SLC9A4: variants seen among roughly 807,000 people sequenced by gnomAD.
The protein encoded by SLC9A4 is solute carrier family 9 member A4.
Under a neutral mutation model 67.4 loss-of-function variants are expected in SLC9A4, and 63 were observed. The ratio of observed to expected loss-of-function variants is 0.93; its 90% CI spans 0.76 to 1.15. The LOEUF (loss-of-function observed/expected upper bound fraction) is 1.15. SLC9A4 is among the 50% of genes most tolerant of loss of function. SLC9A4 has a pLI of 0.00. For missense variants in SLC9A4, 1,089 were observed against 987.7 expected (o/e 1.10, Z -1.38); for synonymous variants, 393 against 367.2 (o/e 1.07, Z -0.80).
chr2:102,502,499 CTATAAGA>C (rs1684963393), intron 2 of SLC9A4, among the ~76,000 whole-genome samples: 1 of 152,144 alleles, frequency 6.6e-6, no homozygotes, highest in South Asian at 2.1e-4. Context: ...AAAGGCATAA[CTATAAGA>C]TATAAGGAAA....
chr2:102,520,733 G>A (rs1180578462), intron 9 of SLC9A4, among the ~76,000 whole-genome samples: 3 of 152,140 alleles, frequency 2.0e-5, no homozygotes, highest in African/African-American at 7.2e-5. Flanking sequence ...AAATCACCTA[G>A]GCAAAGCTCC....
intron 6 of SLC9A4, among the ~76,000 whole-genome samples, chr2:102,510,705 G>T (rs900048591): frequency 6.6e-6 from 1 of 152,168 alleles, no homozygotes; most frequent in African/African-American, 2.4e-5. Flanking sequence ...TAAAATCACC[G>T]TTCCAATGAA....
chr2:102,497,222 C>T (rs897288840), intron 2 of SLC9A4, among the ~76,000 whole-genome samples: 10 of 152,202 alleles, frequency 6.6e-5, no homozygotes, highest in Admixed American at 1.3e-4. Flanking sequence ...CATGAGCCAC[C>T]GTGCCTGGCC....
At chr2:102,522,411 G>A (rs924048294) in intron 9 of SLC9A4, among the ~76,000 whole-genome samples, 2 of 152,228 alleles carry the variant, frequency 1.3e-5, no homozygotes, top group East Asian at 3.9e-4. Context: ...GGAGGGAGAG[G>A]AGCGAAGACA....
At position 102,514,258 on chromosome 2, in the gene SLC9A4, CA is replaced by C; in HGVS notation, c.1721+8del. The C allele has an allele frequency of 2.5e-6, 4 of 1,586,790 alleles. No individual in the cohort carries two copies. The highest frequency in any genetic ancestry group is 3.4e-6 in the Non-Finnish European group (4 of 1,163,844). On this transcript the variant is annotated splice_region_variant and intron_variant, in intron 8 of 11. Transcript: ENST00000295269. ...CTTTCTCCATACCCCATCAGTGAGT[CA>C]TATCTGTTCTTTGTTCTAAACTTTC...
At chr2:102,485,014 G>A (rs1460194881) in intron 2 of SLC9A4, among the ~76,000 whole-genome samples, 1 of 152,190 alleles carries the variant, frequency 6.6e-6, no homozygotes, top group African/African-American at 2.4e-5. Context: ...CTTGATGGGT[G>A]CTTCATGCCA....
chr2:102,503,745 A>C (rs745960740), intron 3 of SLC9A4, 38 bp downstream of exon 3: 1 of 1,603,010 alleles, frequency 6.2e-7, no homozygotes, highest in South Asian at 1.1e-5. Flanking sequence ...ATAGTAATAG[A>C]AAGAAAGTTT....
At chr2:102,491,225 G>A (rs913351391) in intron 2 of SLC9A4, among the ~76,000 whole-genome samples, 23 of 151,148 alleles carry the variant, frequency 1.5e-4, no homozygotes, top group African/African-American at 4.4e-4. Flanking sequence ...TTGTCATTTC[G>A]GAGCCTCATC....
intron 6 of SLC9A4, among the ~76,000 whole-genome samples, chr2:102,509,983 A>G (rs1685127778): frequency 6.7e-6 from 1 of 149,478 alleles, no homozygotes; most frequent in African/African-American, 2.5e-5. Flanking sequence ...TGGGTTCTCA[A>G]TTTCACCCTC....
chr2:102,498,090 G>C (rs900139130), intron 2 of SLC9A4, among the ~76,000 whole-genome samples: 1 of 152,180 alleles, frequency 6.6e-6, no homozygotes, highest in African/African-American at 2.4e-5. Flanking sequence ...TCTCCATGGG[G>C]CTGTGGACAT....
chr2:102,516,682 A>G (rs916628908), intron 8 of SLC9A4, among the ~76,000 whole-genome samples: 2 of 152,158 alleles, frequency 1.3e-5, no homozygotes, highest in Non-Finnish European at 2.9e-5. Flanking sequence ...TTTTACATAC[A>G]TTATCTTATT....
intron 1 of SLC9A4, among the ~76,000 whole-genome samples, chr2:102,475,792 A>G (rs540935128): frequency 6.6e-6 from 1 of 152,322 alleles, no homozygotes; most frequent in Non-Finnish European, 1.5e-5. Context: ...CTATGTGCCA[A>G]TTACTGGGCT....
At chr2:102,514,334 A>T in intron 8 of SLC9A4, 83 bp downstream of exon 8, 1 of 908,420 alleles carries the variant, frequency 1.1e-6, no homozygotes, top group Non-Finnish European at 1.6e-6. Flanking sequence ...TTAAAGGTAT[A>T]CGAGGAGTAA....
intron 2 of SLC9A4, 79 bp downstream of exon 2, chr2:102,479,381 C>A: frequency 7.0e-7 from 1 of 1,431,596 alleles, no homozygotes; most frequent in Admixed American, 2.1e-5. Flanking sequence ...GCTGTGGAGA[C>A]GGCTCCAGTG....
intron 2 of SLC9A4, among the ~76,000 whole-genome samples, chr2:102,488,322 A>C (rs934310661): frequency 1.3e-5 from 2 of 152,128 alleles, no homozygotes; most frequent in African/African-American, 2.4e-5. Flanking sequence ...GTTTCCTTAT[A>C]GCTTCCTCCA....
At chr2:102,528,890 A>G (rs960868550) in intron 11 of SLC9A4, among the ~76,000 whole-genome samples, 2 of 152,214 alleles carry the variant, frequency 1.3e-5, no homozygotes, top group African/African-American at 4.8e-5. Flanking sequence ...GACAGGATAT[A>G]TATGAAGGAA....
chr2:102,512,124 T>C, intron 6 of SLC9A4, 79 bp from the exon 7 acceptor site: 10 of 1,499,282 alleles, frequency 6.7e-6, no homozygotes, highest in Non-Finnish European at 9.2e-6. Flanking sequence ...CCTTTGTTTT[T>C]TAAAGTGTCT....
In SLC9A4 at chr2:102,498,300, A is replaced by G. The variant is rs528607888; in HGVS notation, c.721-5148A>G. Among the ~76,000 whole-genome samples the G allele has an allele frequency of 4.6e-5, 7 of 152,308 alleles. No homozygotes were observed. In the South Asian group the frequency reaches 8.3e-4, roughly 18 times the overall value. ...AAATGCAGTCTTCTTAATTATATGT[A>G]CTACTTTAGCTTCTGAAACTGCCAT... is the stretch of plus-strand genomic sequence containing the variant. On this transcript the variant is annotated intron_variant, in intron 2 of 11. Coordinates refer to ENST00000295269, the MANE Select transcript of SLC9A4 (RefSeq NM_001011552.4).
intron 9 of SLC9A4, among the ~76,000 whole-genome samples, chr2:102,522,188 G>A (rs1685440405): frequency 6.6e-6 from 1 of 152,196 alleles, no homozygotes; most frequent in Non-Finnish European, 1.5e-5. Context: ...AGATTGATGG[G>A]TGATTCCCGA....
Sources: gnomAD v4.1 joint callset for allele counts (sites outside exome capture counted in the v4.1 genomes callset) on GRCh38, gnomAD v4.1.1 for gene constraint, MANE v1.5 for transcripts, NCBI Gene and HGNC (gene_info 2026-07-23, HGNC 2026-07-21) for gene names.